CNTLN: variants seen among roughly 807,000 people sequenced by gnomAD.
The protein encoded by CNTLN is centlein, also known as centlein, centrosomal protein.
A neutral mutation model predicts 180.0 loss-of-function variants in CNTLN; 212 were observed. The observed-to-expected ratio is 1.18, with a 90% CI of 1.05 to 1.32. The LOEUF (loss-of-function observed/expected upper bound fraction) is 1.32. CNTLN is among the 40% of genes most tolerant of loss of function. The pLI is 0.00. For missense variants in CNTLN, 2,095 were observed against 1,610.9 expected (o/e 1.30, Z -5.14); for synonymous variants, 722 against 563.1 (o/e 1.28, Z -3.99).
intron 8 of CNTLN, among the ~76,000 whole-genome samples, chr9:17,315,592 T>A (rs151131201): frequency 6.6e-6 from 1 of 152,082 alleles, no homozygotes; most frequent in Non-Finnish European, 1.5e-5. Context: ...CTCCTGTCCT[T>A]GTGAGATTCC....
At chr9:17,241,962 T>TATA (rs1351824897) in intron 5 of CNTLN, among the ~76,000 whole-genome samples, 8 of 152,182 alleles carry the variant, frequency 5.3e-5, no homozygotes, top group African/African-American at 1.9e-4. Flanking sequence ...ACTCTTCAGG[T>TATA]TTTTCCAAAT....
At chr9:17,516,239 A>G in the CNTLN span, among the ~76,000 whole-genome samples, 1 of 152,182 alleles carries the variant, frequency 6.6e-6, no homozygotes, top group Non-Finnish European at 1.5e-5. Flanking sequence ...CTTTCTTCTT[A>G]GTGGTACCAT....
intron 5 of CNTLN, among the ~76,000 whole-genome samples, chr9:17,247,794 T>C (rs528835447): frequency 1.3e-5 from 2 of 151,472 alleles, no homozygotes; most frequent in Admixed American, 1.3e-4. Context: ...TTTTTTTTTT[T>C]TGCATCTATT....
intron 6 of CNTLN, 33 bp downstream of exon 6, chr9:17,273,899 A>G: frequency 6.9e-7 from 1 of 1,440,296 alleles, no homozygotes; most frequent in Non-Finnish European, 9.4e-7. Flanking sequence ...TTAACATCAT[A>G]GAAATGTCAT....
At chr9:17,514,478 C>T in the CNTLN span, among the ~76,000 whole-genome samples, 2 of 152,092 alleles carry the variant, frequency 1.3e-5, no homozygotes, top group East Asian at 1.9e-4. Context: ...TAACTACACA[C>T]AGAAGAAGAT....
intron 6 of CNTLN, among the ~76,000 whole-genome samples, chr9:17,275,110 A>G (rs1299417853): frequency 6.6e-6 from 1 of 152,100 alleles, no homozygotes; most frequent in Non-Finnish European, 1.5e-5. Flanking sequence ...AGAATCTTAG[A>G]TTTGGATGAA....
At chr9:17,215,778 C>T (rs1823705969) in intron 2 of CNTLN, among the ~76,000 whole-genome samples, 1 of 152,164 alleles carries the variant, frequency 6.6e-6, no homozygotes, top group South Asian at 2.1e-4. Flanking sequence ...AGCCTCGCTG[C>T]CACCTTGCAG....
chr9:17,344,802 A>G (rs1356277743), intron 12 of CNTLN, among the ~76,000 whole-genome samples: 1 of 152,140 alleles, frequency 6.6e-6, no homozygotes, highest in Non-Finnish European at 1.5e-5. Context: ...GAGTTATATC[A>G]TATATATAAA....
chr9:17,370,457 A>G (rs945115041), intron 13 of CNTLN, among the ~76,000 whole-genome samples: 1 of 152,216 alleles, frequency 6.6e-6, no homozygotes, highest in South Asian at 2.1e-4. Context: ...GGAATAATAT[A>G]TCCTGCAAAA....
At chr9:17,385,534 T>C (rs1718101764) in intron 13 of CNTLN, among the ~76,000 whole-genome samples, 1 of 152,176 alleles carries the variant, frequency 6.6e-6, no homozygotes, top group Non-Finnish European at 1.5e-5. Context: ...ATGGTCCTAT[T>C]ACTCAAGAAA....
chr9:17,285,849 G>T (rs1298722285), intron 6 of CNTLN, among the ~76,000 whole-genome samples: 1 of 90,118 alleles, frequency 1.1e-5, no homozygotes, highest in Non-Finnish European at 2.0e-5. Flanking sequence ...TTTTGATGGG[G>T]TTGTTTGTTT....
chr9:17,465,920 A>T (rs1588059118), intron 21 of CNTLN, 61 bp from the exon 22 acceptor site: 1 of 1,344,498 alleles, frequency 7.4e-7, no homozygotes, highest in East Asian at 2.5e-5. Flanking sequence ...TGTTGGAACA[A>T]ACACAGTATA....
At chr9:17,236,332 T>C in intron 4 of CNTLN, 77 bp from the exon 5 acceptor site, 1 of 1,215,242 alleles carries the variant, frequency 8.2e-7, no homozygotes, top group Non-Finnish European at 1.1e-6. Flanking sequence ...TTGTATTTGC[T>C]GATTAGTGCT....
intron 8 of CNTLN, among the ~76,000 whole-genome samples, chr9:17,328,889 T>G (rs946295511): frequency 1.3e-4 from 19 of 151,964 alleles, no homozygotes; most frequent in African/African-American, 4.6e-4. Flanking sequence ...AAAATATTAA[T>G]ATCATTAATA....
chr9:17,340,655 A>G (rs913677067), intron 10 of CNTLN, among the ~76,000 whole-genome samples, 172 bp from the exon 11 acceptor site: 2 of 152,210 alleles, frequency 1.3e-5, no homozygotes, highest in Non-Finnish European at 2.9e-5. Context: ...AAGCAAATGT[A>G]TTCTGTGACT....
intron 6 of CNTLN, among the ~76,000 whole-genome samples, chr9:17,293,787 T>G (rs1460242721): frequency 6.6e-6 from 1 of 152,058 alleles, no homozygotes; most frequent in Non-Finnish European, 1.5e-5. Context: ...ACCAGCCCAT[T>G]GGCTGCTGAG....
At chr9:17,295,987 AGAGAGAGAGAGTGTGT>A (rs1468026932) in intron 6 of CNTLN, among the ~76,000 whole-genome samples, 27 of 123,796 alleles carry the variant, frequency 2.2e-4, no homozygotes, top group African/African-American at 8.5e-4. Flanking sequence ...AGAGAGAGAG[AGAGAGAGAGAGTGTGT>A]GTGTGTGTGT....
At chr9:17,484,163 TCCAGAGTAATTAAAA>T (rs982257212) in intron 23 of CNTLN, 117 bp from the exon 24 acceptor site, 1 of 720,714 alleles carries the variant, frequency 1.4e-6, no homozygotes, top group African/African-American at 1.8e-5. Flanking sequence ...TCCACTATAT[TCCAGAGTAATTAAAA>T]CCAGAGTAAT....
intron 3 of CNTLN, among the ~76,000 whole-genome samples, chr9:17,234,455 A>T (rs1374458905): frequency 6.6e-6 from 1 of 152,136 alleles, no homozygotes; most frequent in Non-Finnish European, 1.5e-5. Context: ...TCTCAAAAAA[A>T]ACTAACTAAA....
Sources: allele counts gnomAD v4.1 joint callset (sites outside exome capture counted in the v4.1 genomes callset), GRCh38; gene constraint gnomAD v4.1.1; transcripts MANE v1.5; gene names NCBI Gene and HGNC (gene_info 2026-07-23, HGNC 2026-07-21).